MTOR: variants seen among roughly 807,000 people sequenced by gnomAD.
The protein encoded by MTOR is serine/threonine-protein kinase mTOR.
MTOR carries 70 observed loss-of-function variants against 319.8 expected under a neutral mutation model. That is an observed-to-expected ratio of 0.22 (90% CI 0.18 to 0.27). MTOR has a LOEUF of 0.27. MTOR is among the 10% of genes least tolerant of loss of function. The probability of loss-of-function intolerance (pLI) is 1.00; values close to 1 mark genes in which losing one functional copy is unlikely to be tolerated. For missense variants in MTOR, 1,890 were observed against 3,274.4 expected (o/e 0.58, Z 10.32); for synonymous variants, 1,183 against 1,211.4 (o/e 0.98, Z 0.49).
chr1:11,234,871 C>T (rs1004471214), intron 13 of MTOR, among the ~76,000 whole-genome samples: 1 of 152,064 alleles, frequency 6.6e-6, no homozygotes, highest in African/African-American at 2.4e-5. Context: ...AGGACACCAG[C>T]AAATCAGCAT....
chr1:11,145,211 G>A, intron 32 of MTOR, 166 bp from the exon 33 acceptor site: 1 of 625,284 alleles, frequency 1.6e-6, no homozygotes, highest in Non-Finnish European at 2.8e-6. Context: ...TGGCTTGAGA[G>A]GAGGTATTAT....
At chr1:11,154,983 C>T (rs1386215993) in intron 30 of MTOR, among the ~76,000 whole-genome samples, 1 of 151,968 alleles carries the variant, frequency 6.6e-6, no homozygotes, top group African/African-American at 2.4e-5. Context: ...TCCGTCTCTA[C>T]AAAAAATAAA....
intron 18 of MTOR, among the ~76,000 whole-genome samples, chr1:11,230,420 A>T (rs1476575190): frequency 6.6e-6 from 1 of 152,160 alleles, no homozygotes; most frequent in Non-Finnish European, 1.5e-5. Flanking sequence ...ACAAACAAAC[A>T]AAAAAAGGCA....
intron 4 of MTOR, 80 bp downstream of exon 4, chr1:11,256,853 G>T: frequency 7.3e-7 from 1 of 1,366,238 alleles, no homozygotes; most frequent in Non-Finnish European, 1.0e-6. Context: ...TAAGGAATGA[G>T]CCTCAGAAGG....
chr1:11,112,816 G>A (rs1162081192), intron 54 of MTOR, 36 bp downstream of exon 54: 52 of 1,610,478 alleles, frequency 3.2e-5, no homozygotes, highest in Non-Finnish European at 4.0e-5. Flanking sequence ...CTGCACAAGG[G>A]GGAGAGCCTT....
chr1:11,144,410 T>C (rs1346495314), intron 34 of MTOR: 5 of 459,992 alleles, frequency 1.1e-5, no homozygotes. Flanking sequence ...TAAAAAACAT[T>C]TTTTTTAATT....
Position 11,121,900 on chromosome 1 carries a change from A to G in MTOR, c.6810+79T>C, listed in dbSNP as rs2100360187. On this transcript the variant is annotated intron_variant, in intron 48 of 57. Transcript: ENST00000361445. The surrounding 1 kb of genome is among the most constrained non-coding windows in gnomAD (Gnocchi z 4.9). ...AGAGATTTTTCAGTGACAGACATAC[A>G]GAGAGGAATGAGAAAAGCAGCGCTA... The G allele has an allele frequency of 6.4e-7, 1 of 1,554,348 alleles. No individual in the cohort carries two copies. Among genetic ancestry groups the G allele is most frequent in the South Asian group, 1.2e-5 (1 of 84,012 alleles).
chr1:11,122,776 G>T, intron 47 of MTOR, among the ~76,000 whole-genome samples: 1 of 152,162 alleles, frequency 6.6e-6, no homozygotes, highest in East Asian at 1.9e-4. Flanking sequence ...CAAAGTGCTG[G>T]GATTACAGGC....
At chr1:11,181,249 T>C (rs972350421) in intron 28 of MTOR, among the ~76,000 whole-genome samples, 1 of 151,900 alleles carries the variant, frequency 6.6e-6, no homozygotes, top group African/African-American at 2.4e-5. Context: ...TGTGGTCCTC[T>C]TGCTGATCAT....
chr1:11,193,827 C>T (rs959529013), intron 28 of MTOR: 35 of 1,560,514 alleles, frequency 2.2e-5, no homozygotes, highest in East Asian at 6.8e-5. Context: ...CACACATGAC[C>T]GCGTACAACT....
chr1:11,194,353 A>G, intron 28 of MTOR: 1 of 1,008,844 alleles, frequency 9.9e-7, no homozygotes, highest in South Asian at 1.4e-5. Context: ...TTAGATTCAC[A>G]CCTATAAAAA....
At chr1:11,210,298 G>A (rs992867454) in intron 24 of MTOR, among the ~76,000 whole-genome samples, 4 of 152,086 alleles carry the variant, frequency 2.6e-5, no homozygotes, top group Non-Finnish European at 2.9e-5. Flanking sequence ...ACAGGTACCC[G>A]CCATCATGAC....
intron 10 of MTOR, among the ~76,000 whole-genome samples, chr1:11,241,237 C>T (rs1033033609): frequency 8.8e-5 from 13 of 148,332 alleles, no homozygotes; most frequent in Non-Finnish European, 4.4e-5. Context: ...AGGAGAATGG[C>T]GTGAACCCGG....
At chr1:11,217,742 CT>C (rs1024696933) in intron 19 of MTOR, among the ~76,000 whole-genome samples, 1 of 151,782 alleles carries the variant, frequency 6.6e-6, no homozygotes, top group African/African-American at 2.4e-5. Context: ...CTCTCTCTGC[CT>C]TTGTTTCTCT....
In MTOR at chr1:11,204,690, G is replaced by C; in HGVS notation, c.3815C>G (p.Ala1272Gly). Residue 1272 changes from alanine (A) to glycine (G), a missense_variant, in exon 26 of 58, where the codon GCC becomes GGC. Ala to Gly is a moderately conservative substitution (Grantham distance 60). Around this residue, in one of 15 missense-constraint regions of MTOR, gnomAD observed 49 missense variants for 119.1 expected, o/e 0.41. Coordinates refer to ENST00000361445, the MANE Select transcript of MTOR (RefSeq NM_004958.4). ...CCAGTCATCTTTGGAGACCCTCCTG[G>C]CAGCGCCCCAGGCCTGTGATCCCAC... Reference protein sequence around the residue: ...TINLQKAWGAARRVSKDDWLE... With the variant: ...TINLQKAWGAGRRVSKDDWLE... 1 of 1,614,132 alleles carries C rather than the reference G, an allele frequency of 6.2e-7. No homozygotes were observed. The highest frequency in any genetic ancestry group is 8.5e-7 in the Non-Finnish European group (1 of 1,180,014).
chr1:11,112,389 G>A (rs1641932297), intron 54 of MTOR, among the ~76,000 whole-genome samples: 1 of 152,162 alleles, frequency 6.6e-6, no homozygotes, highest in Non-Finnish European at 1.5e-5. Flanking sequence ...CAGAGCTTCA[G>A]GTACCCACTC....
intron 25 of MTOR, among the ~76,000 whole-genome samples, chr1:11,207,273 T>C (rs539616047): frequency 4.5e-4 from 69 of 152,130 alleles, no homozygotes; most frequent in African/African-American, 1.6e-3. Flanking sequence ...AGCTAATTTT[T>C]GTATTTTTTG....
At chr1:11,155,807 A>T (rs1225242226) in intron 30 of MTOR, among the ~76,000 whole-genome samples, 2 of 152,124 alleles carry the variant, frequency 1.3e-5, no homozygotes, top group Non-Finnish European at 2.9e-5. Context: ...AGGGGCTGTA[A>T]CTGTCTTGCT....
chr1:11,173,555 T>C (rs371657586), intron 28 of MTOR, among the ~76,000 whole-genome samples: 3 of 152,298 alleles, frequency 2.0e-5, no homozygotes, highest in African/African-American at 7.2e-5. Context: ...ATTGTTAGGA[T>C]TACAGGCATG....
Sources: gnomAD v4.1 joint callset for allele counts (sites outside exome capture counted in the v4.1 genomes callset) on GRCh38, gnomAD v4.1.1 for gene constraint, gnomAD v4.1.1 regional missense constraint, Gnocchi (gnomAD v3.1) non-coding constraint, MANE v1.5 for transcripts, NCBI Gene and HGNC (gene_info 2026-07-23, HGNC 2026-07-21) for gene names.